The following NXN variants were observed in gnomAD, a reference collection of about 807,000 sequenced individuals.
NXN encodes nucleoredoxin 1.
In NXN, 16 loss-of-function variants were observed where a neutral mutation model predicts 48.6. The ratio of observed to expected loss-of-function variants is 0.33; its 90% confidence interval spans 0.22 to 0.50. The LOEUF (loss-of-function observed/expected upper bound fraction) is 0.50, where lower values mean the gene tolerates loss of function less well. Ranked by LOEUF, NXN falls within the 20% of genes least tolerant of loss-of-function variation. The pLI is 0.98. For missense variants in NXN, 492 were observed against 605.5 expected, an observed-to-expected ratio of 0.81 and a Z score of 1.97; for synonymous variants, 281 against 269.6, an observed-to-expected ratio of 1.04 and a Z score of -0.41.
intron 1 of NXN, among the ~76,000 whole-genome samples, chr17:926,450 G>T (rs1196251920): frequency 6.6e-6 from 1 of 151,928 alleles, no homozygotes; most frequent in South Asian, 2.1e-4. Context: ...GCCTCCCAAT[G>T]CTAGGATTAC....
chr17:927,865 AT>A (rs1393581901), intron 1 of NXN, among the ~76,000 whole-genome samples: 1 of 152,084 alleles, frequency 6.6e-6, no homozygotes, highest in African/African-American at 2.4e-5. Flanking sequence ...CTTTTCTTTA[AT>A]TACTGAGTCT....
chr17:855,838 A>G (rs1466871257), intron 1 of NXN, among the ~76,000 whole-genome samples: 1 of 152,166 alleles, frequency 6.6e-6, no homozygotes, highest in East Asian at 1.9e-4. Flanking sequence ...AACCAGCAGA[A>G]AATGATTCCT....
chr17:804,770 G>A (rs528203155), intron 6 of NXN, among the ~76,000 whole-genome samples: 10 of 152,292 alleles, frequency 6.6e-5, no homozygotes, highest in East Asian at 1.9e-4. Context: ...TGTGCCACCC[G>A]CCCTTTCCAA....
chr17:974,290 G>A (rs1008528835), intron 1 of NXN, among the ~76,000 whole-genome samples: 2 of 151,856 alleles, frequency 1.3e-5, no homozygotes, highest in Non-Finnish European at 2.9e-5. Flanking sequence ...GGCGGAGCTT[G>A]CAGTGAGCCG....
intron 1 of NXN, among the ~76,000 whole-genome samples, chr17:887,209 G>A (rs553373027): frequency 4.0e-4 from 61 of 152,124 alleles, no homozygotes; most frequent in African/African-American, 1.3e-3. Context: ...GAGCCACCGC[G>A]CCTGGCCTCA....
At chr17:897,908 T>A (rs943608026) in intron 1 of NXN, among the ~76,000 whole-genome samples, 3 of 152,240 alleles carry the variant, frequency 2.0e-5, no homozygotes, top group Admixed American at 6.5e-5. Context: ...CTCGAACTCC[T>A]CACCTCAGGT....
chr17:807,038 C>T (rs2144578014), intron 5 of NXN, among the ~76,000 whole-genome samples: 1 of 152,326 alleles, frequency 6.6e-6, no homozygotes, highest in Middle Eastern at 3.4e-3. Flanking sequence ...GTGTGTGCTG[C>T]CGCACAAGAA....
At chr17:962,913 G>A (rs1025874387) in intron 1 of NXN, among the ~76,000 whole-genome samples, 4 of 152,110 alleles carry the variant, frequency 2.6e-5, no homozygotes, top group African/African-American at 4.8e-5. Context: ...CTCTAAGGAC[G>A]GGGAAGCGGC....
chr17:885,516 G>T (rs1208032226), intron 1 of NXN, among the ~76,000 whole-genome samples: 1 of 151,428 alleles, frequency 6.6e-6, no homozygotes, highest in Non-Finnish European at 1.5e-5. Context: ...AAGAGTTCAG[G>T]ATTTCATAGT....
intron 1 of NXN, among the ~76,000 whole-genome samples, chr17:892,937 A>G (rs945406416): frequency 1.3e-5 from 2 of 152,252 alleles, no homozygotes; most frequent in Non-Finnish European, 2.9e-5. Flanking sequence ...TAGCGCACCA[A>G]TGCAAGATGG....
intron 1 of NXN, among the ~76,000 whole-genome samples, chr17:885,975 A>G (rs2068342885): frequency 6.6e-6 from 1 of 151,904 alleles, no homozygotes; most frequent in Non-Finnish European, 1.5e-5. Flanking sequence ...GGCGTGAGCC[A>G]CCGCGCCCAG....
Position 801,443 on chromosome 17 carries a change from C to CTTTTTTTTT in NXN, c.1126-321_1126-313dup, listed in dbSNP as rs71371579. 6.7e-3 allele frequency among the ~76,000 whole-genome samples: 703 copies of CTTTTTTTTT among 104,286 alleles called. 20 individuals carry two copies. Among genetic ancestry groups the CTTTTTTTTT allele is most frequent in the East Asian group, 0.011 (32 of 2,984 alleles). The allele number at this position is 104,286 out of a possible 152,430, so 68.4% of individuals were successfully genotyped here. ...CTCAGCATTTTAGAAATGTCACATT[C>CTTTTTTTTT]TTTTTTTTTTTTTTTTTTTTGAGAT... is the stretch of plus-strand genomic sequence containing the variant. On this transcript the variant is annotated intron_variant, in intron 7 of 7. Transcript: ENST00000336868.
intron 1 of NXN, among the ~76,000 whole-genome samples, chr17:961,555 A>C (rs2069237874): frequency 6.6e-6 from 1 of 152,190 alleles, no homozygotes; most frequent in African/African-American, 2.4e-5. Context: ...TAAGCATCTT[A>C]ACAGTTTTGT....
chr17:905,270 T>TATATATATATATATATATATATATAG (rs1488360942), intron 1 of NXN: 12 of 149,378 alleles, frequency 8.0e-5, no homozygotes, highest in Non-Finnish European at 1.5e-4. Context: ...TATATATATA[T>TATATATATATATATATATATATATAG]ATAGATGCCG....
chr17:932,951 C>G lies in NXN; in HGVS notation c.360+46368G>C, dbSNP rs2068870109. ...GCGTGAGCCACCGCGCCCAGCCCAG[C>G]CCGTCCTCTTGAACCTGCTCAGTTT... On this transcript the variant is annotated intron_variant, in intron 1 of 7. Transcript: ENST00000336868. This position sits in a 1 kb window ranked among gnomAD's most constrained non-coding sequence, Gnocchi z 4.1. Among the ~76,000 whole-genome samples the G allele has an allele frequency of 6.6e-6, 1 of 152,126 alleles. No individual in the cohort carries two copies. Among genetic ancestry groups the G allele is most frequent in the African/African-American group, 2.4e-5 (1 of 41,436 alleles).
intron 1 of NXN, among the ~76,000 whole-genome samples, chr17:896,633 A>C (rs1176209847): frequency 6.6e-6 from 1 of 152,230 alleles, no homozygotes; most frequent in Non-Finnish European, 1.5e-5. Flanking sequence ...TTAAAGTAAA[A>C]TATAAACATT....
chr17:898,852 A>G lies in NXN; in HGVS notation c.361-72774T>C, dbSNP rs566666193. On this transcript the variant is annotated intron_variant, in intron 1 of 7. Coordinates refer to ENST00000336868, the MANE Select transcript of NXN (RefSeq NM_022463.5). ...GGTGACAAAACAGACTGTCTCAAAA[A>G]AACAAAAACAAAACAAAAAAACTAC... Among the ~76,000 whole-genome samples the G allele has an allele frequency of 3.1e-4, 22 of 71,578 alleles. 6 individuals carry two copies. In the South Asian group the frequency reaches 7.9e-3, roughly 26 times the overall value. 47.0% of individuals were successfully genotyped at this position (71,578 alleles called of 152,430 possible).
intron 1 of NXN, among the ~76,000 whole-genome samples, chr17:959,595 A>G (rs1358605208): frequency 6.8e-6 from 1 of 147,076 alleles, no homozygotes. Context: ...TCAGGAGTTC[A>G]AGACCAGCCT....
intron 5 of NXN, among the ~76,000 whole-genome samples, chr17:811,515 G>C (rs542299560): frequency 3.3e-5 from 5 of 151,790 alleles, no homozygotes; most frequent in Middle Eastern, 3.4e-3. Flanking sequence ...GGGTTGGGGG[G>C]GGGGCAGCAC....
Sources: gnomAD v4.1 joint callset for allele counts (sites outside exome capture counted in the v4.1 genomes callset) on GRCh38, gnomAD v4.1.1 for gene constraint, Gnocchi (gnomAD v3.1) non-coding constraint, MANE v1.5 for transcripts, NCBI Gene and HGNC (gene_info 2026-07-23, HGNC 2026-07-21) for gene names.